Variants in ROBO1 observed in about 807,000 individuals in gnomAD.
The protein encoded by ROBO1 is roundabout homolog 1.
In ROBO1, 149 loss-of-function variants were observed where a neutral mutation model predicts 195.9. That is an observed-to-expected ratio of 0.76 (90% CI 0.67 to 0.87). The LOEUF (loss-of-function observed/expected upper bound fraction) is 0.87, where lower values mean the gene tolerates loss of function less well. ROBO1 is among the 40% of genes least tolerant of loss of function. ROBO1 has a pLI of 0.00. For missense variants in ROBO1, 1,933 were observed against 2,068.3 expected (o/e 0.93, Z 1.27); for synonymous variants, 816 against 733.2 (o/e 1.11, Z -1.82).
At chr3:79,023,377 G>C (rs994989793) in intron 3 of ROBO1, among the ~76,000 whole-genome samples, 1 of 152,168 alleles carries the variant, frequency 6.6e-6, no homozygotes, top group African/African-American at 2.4e-5. Flanking sequence ...CAGAAAGCAA[G>C]CTAAAGTGAT....
intron 2 of ROBO1, among the ~76,000 whole-genome samples, chr3:79,236,582 TTTAAGTA>T: frequency 6.6e-6 from 1 of 152,278 alleles, no homozygotes; most frequent in Middle Eastern, 3.4e-3. Context: ...CAATATATCT[TTTAAGTA>T]TTATTTTTTA....
chr3:78,747,921 T>G (rs973265949), intron 4 of ROBO1, among the ~76,000 whole-genome samples: 1 of 152,192 alleles, frequency 6.6e-6, no homozygotes, highest in Non-Finnish European at 1.5e-5. Context: ...CATGCAATCT[T>G]GAACATAACT....
intron 2 of ROBO1, among the ~76,000 whole-genome samples, chr3:79,235,286 A>T (rs59193819): frequency 0.15 from 22,754 of 152,010 alleles, 2,783 homozygotes; most frequent in African/African-American, 0.34. Context: ...TTTATTTTTT[A>T]AAAAAGGAAA....
chr3:79,364,121 G>C (rs1006381894), intron 2 of ROBO1, among the ~76,000 whole-genome samples: 4 of 151,726 alleles, frequency 2.6e-5, no homozygotes, highest in Non-Finnish European at 5.9e-5. Context: ...GGAGAATGGC[G>C]TGAACCCGGG....
chr3:79,722,034 C>T lies in ROBO1; in HGVS notation c.-51+45718G>A, dbSNP rs116603292. ...ATAATATTTGCAAAACATTATTTTT[C>T]AAGATCAGGTGACATCACTGGGCAA... On this transcript the variant is annotated intron_variant, in intron 1 of 30. Transcript: ENST00000464233. Among the ~76,000 whole-genome samples, 711 of 152,134 alleles carry T rather than the reference C, an allele frequency of 4.7e-3. 9 individuals carry two copies. The highest frequency in any genetic ancestry group is 0.015 in the African/African-American group (616 of 41,514).
In ROBO1 at chr3:79,325,630, T is replaced by C. The variant is rs541910326; in HGVS notation, c.89-200091A>G. ...TATTCATTCCCCAAATTAATACTTT[T>C]ATAATTTCTTATGCCTGTCTTTACT... On this transcript the variant is annotated intron_variant, in intron 2 of 30. Transcript: ENST00000464233. Among the ~76,000 whole-genome samples, 3 of 152,322 alleles carry C rather than the reference T, an allele frequency of 2.0e-5. No homozygotes were observed. The East Asian group carries it at 5.8e-4, about 29-fold the overall frequency.
intron 4 of ROBO1, among the ~76,000 whole-genome samples, chr3:78,862,791 G>A (rs564390457): frequency 6.6e-6 from 1 of 152,330 alleles, no homozygotes; most frequent in East Asian, 1.9e-4. Flanking sequence ...GCAATTAGCA[G>A]AGGGTAGTAC....
chr3:79,067,326 G>T (rs2079020104), intron 3 of ROBO1, among the ~76,000 whole-genome samples: 1 of 151,946 alleles, frequency 6.6e-6, no homozygotes, highest in Non-Finnish European at 1.5e-5. Flanking sequence ...TTAATATGGG[G>T]TTACTTGTTT....
chr3:78,695,350 G>A (rs533942681), intron 8 of ROBO1, among the ~76,000 whole-genome samples: 99 of 152,258 alleles, frequency 6.5e-4, no homozygotes, highest in African/African-American at 2.3e-3. Context: ...TTTAGGCTGG[G>A]TGACGTGGCT....
intron 2 of ROBO1, among the ~76,000 whole-genome samples, chr3:79,569,671 G>GTATATATA (rs1943210102): frequency 1.8e-5 from 2 of 108,198 alleles, no homozygotes; most frequent in African/African-American, 9.9e-5. Context: ...GTGTGTGTGT[G>GTATATATA]TGTATATATG....
intron 2 of ROBO1, among the ~76,000 whole-genome samples, chr3:79,327,117 A>G (rs1341652671): frequency 2.6e-5 from 4 of 152,156 alleles, no homozygotes; most frequent in Admixed American, 1.3e-4. Context: ...AAAAACAAAT[A>G]GGAAGACTTA....
chr3:79,275,916 C>T (rs919216609), intron 2 of ROBO1, among the ~76,000 whole-genome samples: 2 of 151,430 alleles, frequency 1.3e-5, no homozygotes, highest in South Asian at 2.1e-4. Context: ...ATAAACCTAA[C>T]CAGAGAAGTG....
chr3:79,074,392 T>G (rs1461434040), intron 3 of ROBO1, among the ~76,000 whole-genome samples: 2 of 151,940 alleles, frequency 1.3e-5, no homozygotes, highest in African/African-American at 4.8e-5. Context: ...GTTTGGTTTA[T>G]CAAGTTCAAA....
intron 3 of ROBO1, among the ~76,000 whole-genome samples, chr3:79,047,570 G>A (rs755268366): frequency 5.3e-5 from 8 of 151,996 alleles, no homozygotes; most frequent in Non-Finnish European, 1.2e-4. Flanking sequence ...CTGAATTCTT[G>A]GTCCACAGAA....
At chr3:78,836,498 C>A (rs1342524525) in intron 4 of ROBO1, among the ~76,000 whole-genome samples, 1 of 102,278 alleles carries the variant, frequency 9.8e-6, no homozygotes, top group Non-Finnish European at 1.8e-5. Context: ...AGACACAGAG[C>A]GAGACTCTGT....
intron 4 of ROBO1, among the ~76,000 whole-genome samples, chr3:78,858,768 C>A (rs998671242): frequency 9.9e-5 from 15 of 150,950 alleles, no homozygotes; most frequent in Non-Finnish European, 1.8e-4. Flanking sequence ...CCCACCCCAC[C>A]CCCCGCCAGA....
At chr3:79,017,656 A>C (rs1403987968) in intron 3 of ROBO1, among the ~76,000 whole-genome samples, 3 of 152,060 alleles carry the variant, frequency 2.0e-5, no homozygotes, top group Non-Finnish European at 4.4e-5. Context: ...TTATGTCAGA[A>C]GGGCCCCGTT....
chr3:79,160,626 C>T (rs1273110616), intron 2 of ROBO1, among the ~76,000 whole-genome samples: 1 of 152,006 alleles, frequency 6.6e-6, no homozygotes, highest in Non-Finnish European at 1.5e-5. Flanking sequence ...TAGCATCTTG[C>T]TAGTTTTCAC....
intron 2 of ROBO1, among the ~76,000 whole-genome samples, chr3:79,534,360 T>C (rs566338252): frequency 4.6e-5 from 7 of 152,190 alleles, no homozygotes; most frequent in African/African-American, 1.7e-4. Flanking sequence ...ACCATTTCTA[T>C]GTAGAGAGCA....
Sources: allele counts gnomAD v4.1 joint callset (sites outside exome capture counted in the v4.1 genomes callset), GRCh38; gene constraint gnomAD v4.1.1; transcripts MANE v1.5; gene names NCBI Gene and HGNC (gene_info 2026-07-23, HGNC 2026-07-21).